CLEC6A: variants seen among roughly 807,000 people sequenced by gnomAD.
CLEC6A encodes the protein C-type lectin domain family 6 member A.
In CLEC6A, 22 loss-of-function variants were observed where a neutral mutation model predicts 25.7. The ratio of observed to expected loss-of-function variants is 0.85; its 90% confidence interval spans 0.61 to 1.22. The LOEUF (loss-of-function observed/expected upper bound fraction) is 1.22, where lower values mean the gene tolerates loss of function less well. Ranked by LOEUF, CLEC6A falls within the 50% of genes most tolerant of loss-of-function variation. CLEC6A has a pLI of 0.00. For missense variants in CLEC6A, 240 were observed against 236.8 expected (o/e 1.01, Z -0.09); for synonymous variants, 92 against 76.7 (o/e 1.20, Z -1.04).
intron 5 of CLEC6A, among the ~76,000 whole-genome samples, chr12:8,476,777 A>G (rs1361126346): frequency 5.9e-5 from 9 of 152,078 alleles, no homozygotes; most frequent in Non-Finnish European, 1.2e-4. Flanking sequence ...ACCTGGGGAG[A>G]TTGAATTACT....
At chr12:8,468,223 G>A (rs779545343) in intron 4 of CLEC6A, among the ~76,000 whole-genome samples, 16 of 152,310 alleles carry the variant, frequency 1.1e-4, no homozygotes, top group East Asian at 7.7e-4. Flanking sequence ...GATTACAGGC[G>A]TGAGCCACCA....
Position 8,476,237 on chromosome 12 carries a change from T to C in CLEC6A, c.482T>C (p.Val161Ala), listed in dbSNP as rs908257644. The C allele has an allele frequency of 6.4e-7, 1 of 1,570,532 alleles. No homozygotes were observed. Among genetic ancestry groups the C allele is most frequent in the Admixed American group, 1.7e-5 (1 of 59,682 alleles). ...WIDKTPYEKN[V>A]RFWHLGEPNH... ...GATAAGACACCTTATGAGAAAAATG[T>C]CAGGTGAGTGCAGTTCTGGGGCCTT... is the stretch of plus-strand genomic sequence containing the variant. The change falls in exon 5 of 6, where the codon GTC (valine) becomes GCC (alanine). Residue 161 changes from valine (V) to alanine (A), a missense_variant. By Grantham distance (64) the Val-to-Ala change is moderately conservative. Coordinates refer to ENST00000382073, the MANE Select transcript of CLEC6A (RefSeq NM_001007033.2).
chr12:8,470,738 G>A (rs765665759), intron 4 of CLEC6A, among the ~76,000 whole-genome samples: 2 of 152,186 alleles, frequency 1.3e-5, no homozygotes, highest in South Asian at 4.1e-4. Context: ...GGACTTTGGG[G>A]AGTCAGGGGA....
chr12:8,460,976 G>T, intron 3 of CLEC6A: 1 of 1,057,822 alleles, frequency 9.5e-7, no homozygotes, highest in Non-Finnish European at 1.5e-6. Context: ...AATTCTTACT[G>T]CGTTGGTGAA....
Position 8,461,008 on chromosome 12 carries a change from G to T in CLEC6A, c.223+1310G>T, listed in dbSNP as rs1939746947. 8 of 1,432,068 alleles carry T rather than the reference G, an allele frequency of 5.6e-6. No homozygotes were observed. The Admixed American group carries it at 1.3e-4, about 24-fold the overall frequency. The allele number at this position is 1,432,068 out of a possible 1,614,324, so 88.7% of individuals were successfully genotyped here. On this transcript the variant is annotated intron_variant, in intron 3 of 5. Coordinates refer to ENST00000382073, the MANE Select transcript of CLEC6A (RefSeq NM_001007033.2). ...TGAAGATTCCACATAAAAATTTTTG[G>T]GGGTTATCCTCATTGATCCATTCTA...
At chr12:8,459,874 C>T (rs1939730427) in intron 3 of CLEC6A, among the ~76,000 whole-genome samples, 176 bp downstream of exon 3, 1 of 152,136 alleles carries the variant, frequency 6.6e-6, no homozygotes, top group Non-Finnish European at 1.5e-5. Flanking sequence ...TCTAGACATG[C>T]CTCCAGAATA....
chr12:8,466,855 T>C (rs1293687377), intron 4 of CLEC6A, among the ~76,000 whole-genome samples: 1 of 152,072 alleles, frequency 6.6e-6, no homozygotes, highest in East Asian at 1.9e-4. Context: ...GGTTTCACCA[T>C]CTTGGTCAGG....
At chr12:8,458,989 CCCCTTG>C (rs1939715555) in intron 2 of CLEC6A, among the ~76,000 whole-genome samples, 3 of 152,090 alleles carry the variant, frequency 2.0e-5, no homozygotes, top group African/African-American at 7.2e-5. Flanking sequence ...TTTAAAGTTT[CCCCTTG>C]GTGGTTACTT....
rs755782205 is a variant in CLEC6A at position 8,459,588 on chromosome 12, C to T, written c.122-9C>T. 4.1e-5 allele frequency: 64 copies of T among 1,545,650 alleles called. No homozygotes were observed. Among genetic ancestry groups the T allele is most frequent in the Non-Finnish European group, 5.3e-5 (59 of 1,117,740 alleles). ...TAGATGGACACTAATCCTTCTTCTTCCTTTACAGTAACTTACCATTTTACA... is the reference window on the plus strand; with the variant it reads ...TAGATGGACACTAATCCTTCTTCTTTCTTTACAGTAACTTACCATTTTACA... On this transcript the variant is annotated splice_polypyrimidine_tract_variant and intron_variant, in intron 2 of 5. Coordinates refer to ENST00000382073, the MANE Select transcript of CLEC6A (RefSeq NM_001007033.2).
Position 8,465,587 on chromosome 12 carries a change from G to A in CLEC6A, c.327G>A (p.Glu109=), listed in dbSNP as rs1365636813. The part of the protein sequence containing the change: ...VWSKSEQNCV[E]MGAHLVVFNT... ...CTAAGAGTGAGCAGAACTGTGTTGA[G>A]ATGGGAGCACATTTGGTTGTGTTCA... The change falls in exon 4 of 6, where the codon GAG becomes GAA. Residue 109 remains glutamate, a synonymous_variant. Coordinates refer to ENST00000382073, the MANE Select transcript of CLEC6A (RefSeq NM_001007033.2). 5 of 1,614,038 alleles carry A rather than the reference G, an allele frequency of 3.1e-6. No individual in the cohort carries two copies. The highest frequency in any genetic ancestry group is 4.2e-6 in the Non-Finnish European group (5 of 1,179,960).
At chr12:8,471,889 C>A (rs1939910866) in intron 4 of CLEC6A, among the ~76,000 whole-genome samples, 1 of 152,108 alleles carries the variant, frequency 6.6e-6, no homozygotes, top group East Asian at 1.9e-4. Context: ...GAGAAATCTG[C>A]TGACAGTTAT....
At chr12:8,466,281 TAC>T (rs1282577511) in intron 4 of CLEC6A, among the ~76,000 whole-genome samples, 1 of 152,272 alleles carries the variant, frequency 6.6e-6, no homozygotes, top group African/African-American at 2.4e-5. Flanking sequence ...TCCATTCATT[TAC>T]TTGTCAATTG....
At position 8,478,303 on chromosome 12, in the gene CLEC6A, T is replaced by C. The variant is rs1023524752; in HGVS notation, c.*839T>C. The stretch of plus-strand genomic sequence containing the variant: ...ATAATGACAGTTTATTTTTATGTTA[T>C]ATAAAAACCTCAACAAATTTTCCAA... On this transcript the variant is annotated 3_prime_UTR_variant, in exon 6 of 6. Coordinates refer to ENST00000382073, the MANE Select transcript of CLEC6A (RefSeq NM_001007033.2). 1 of 151,984 alleles carries C rather than the reference T, an allele frequency of 6.6e-6. No homozygotes were observed. Among genetic ancestry groups the C allele is most frequent in the Admixed American group, 6.6e-5 (1 of 15,240 alleles). The allele number at this position is 151,984 out of a possible 1,614,324, so 9.4% of individuals were successfully genotyped here. A position where few individuals can be genotyped will look rare whatever the true frequency, so the allele number is the denominator to read the frequency against.
At chr12:8,470,679 T>C (rs1157327978) in intron 4 of CLEC6A, among the ~76,000 whole-genome samples, 6 of 152,124 alleles carry the variant, frequency 3.9e-5, no homozygotes, top group Non-Finnish European at 7.4e-5. Context: ...TTCTCACTCA[T>C]AAGTGGGAGC....
chr12:8,476,149 G>A lies in CLEC6A; in HGVS notation c.394G>A (p.Glu132Lys), dbSNP rs368271517. 90 of 1,609,254 alleles carry A rather than the reference G, an allele frequency of 5.6e-5. No homozygotes were observed. Among genetic ancestry groups the A allele is most frequent in the Admixed American group, 2.0e-4 (12 of 59,342 alleles). The change falls in exon 5 of 6, where the codon GAG becomes AAG. Residue 132 changes from glutamate to lysine, a missense_variant. Physicochemically the swap from Glu to Lys is moderately conservative, Grantham distance 56. Coordinates refer to ENST00000382073, the MANE Select transcript of CLEC6A (RefSeq NM_001007033.2). ...GAATTTCATTGTCCAGCAGCTGAAT[G>A]AGTCATTTTCTTATTTTCTGGGGCT... ...EQNFIVQQLNESFSYFLGLSD... is the reference protein window; with the variant it reads ...EQNFIVQQLNKSFSYFLGLSD...
At chr12:8,460,851 T>C in intron 3 of CLEC6A, 1 of 923,216 alleles carries the variant, frequency 1.1e-6, no homozygotes, top group Non-Finnish European at 1.8e-6. Flanking sequence ...TTCCTAAGGG[T>C]ACAACTTACC....
chr12:8,474,596 C>T (rs11612959), intron 4 of CLEC6A, among the ~76,000 whole-genome samples: 1 of 152,056 alleles, frequency 6.6e-6, no homozygotes, highest in East Asian at 1.9e-4. Context: ...ACATTTTTGG[C>T]TGAGAAGCAC....
rs184946709 is a variant in CLEC6A, at chr12:8,475,655, A to G, written c.370-470A>G. Among the ~76,000 whole-genome samples, 27 of 152,196 alleles carry G rather than the reference A, an allele frequency of 1.8e-4. No individual in the cohort carries two copies. The East Asian group carries it at 5.0e-3, about 28-fold the overall frequency. ...CCTTCCTCTGCCTTTTGTTCTATTC[A>G]GGTCCTGAACAGATTGGCTAATGCA... On this transcript the variant is annotated intron_variant, in intron 4 of 5. Coordinates refer to ENST00000382073, the MANE Select transcript of CLEC6A (RefSeq NM_001007033.2).
chr12:8,475,622 G>T (rs1025445497), intron 4 of CLEC6A, among the ~76,000 whole-genome samples: 43 of 151,936 alleles, frequency 2.8e-4, no homozygotes, highest in Admixed American at 7.9e-4. Flanking sequence ...AAATATGGAT[G>T]AATTCCTCCT....
Sources: allele counts gnomAD v4.1 joint callset (sites outside exome capture counted in the v4.1 genomes callset), GRCh38; gene constraint gnomAD v4.1.1; transcripts MANE v1.5; gene names NCBI Gene and HGNC (gene_info 2026-07-23, HGNC 2026-07-21).